CFAP210: variants seen among roughly 807,000 people sequenced by gnomAD.
CFAP210 encodes the protein cilia and flagella associated protein 210.
chr2:169,679,912 A>G, the CFAP210 span, among the ~76,000 whole-genome samples: 2 of 152,192 alleles, frequency 1.3e-5, no homozygotes, highest in Non-Finnish European at 2.9e-5. Flanking sequence ...AAAAATTGAT[A>G]AACCATACTT....
At chr2:169,661,066 G>C in the CFAP210 span, 4 of 533,322 alleles carry the variant, frequency 7.5e-6, no homozygotes, top group East Asian at 2.0e-4. Flanking sequence ...TAGATGCTGG[G>C]TGGGAGAATA....
the CFAP210 span, among the ~76,000 whole-genome samples, chr2:169,692,668 C>T: frequency 6.6e-6 from 1 of 152,200 alleles, no homozygotes; most frequent in Admixed American, 6.5e-5. Context: ...CCTCTGATAG[C>T]TGTGATATTT....
the CFAP210 span, among the ~76,000 whole-genome samples, chr2:169,665,260 T>C: frequency 6.6e-6 from 1 of 151,982 alleles, no homozygotes; most frequent in Admixed American, 6.6e-5. Context: ...CTCTCTCTAT[T>C]ACAACAGACA....
the CFAP210 span, among the ~76,000 whole-genome samples, chr2:169,665,845 T>G: frequency 6.6e-6 from 1 of 152,178 alleles, no homozygotes; most frequent in Non-Finnish European, 1.5e-5. Flanking sequence ...GGCTTGTAGC[T>G]TATCTGCATC....
chr2:169,671,496 G>A, the CFAP210 span, among the ~76,000 whole-genome samples: 50 of 152,272 alleles, frequency 3.3e-4, 2 homozygotes, highest in South Asian at 6.4e-3. Context: ...GAGATGGAGT[G>A]TCGCTCTTGT....
chr2:169,683,248 A>T, the CFAP210 span, among the ~76,000 whole-genome samples: 1 of 152,214 alleles, frequency 6.6e-6, no homozygotes, highest in Admixed American at 6.5e-5. Flanking sequence ...TTAGTTGCAA[A>T]GAGTATCATC....
chr2:169,688,390 C>A, the CFAP210 span, among the ~76,000 whole-genome samples: 4 of 152,290 alleles, frequency 2.6e-5, no homozygotes, highest in African/African-American at 7.2e-5. Flanking sequence ...TAACAGTACC[C>A]AACTCACCTC....
the CFAP210 span, among the ~76,000 whole-genome samples, chr2:169,656,753 C>T: frequency 6.9e-4 from 105 of 152,084 alleles, 1 homozygote; most frequent in African/African-American, 2.3e-3. Flanking sequence ...CACCTGAGGT[C>T]AGGAGTTCAA....
the CFAP210 span, among the ~76,000 whole-genome samples, chr2:169,647,816 C>A: frequency 2.6e-5 from 4 of 152,200 alleles, no homozygotes; most frequent in South Asian, 2.1e-4. Context: ...AGATTTAATA[C>A]ACAGAGTATT....
the CFAP210 span, among the ~76,000 whole-genome samples, chr2:169,667,142 CTTTTTTTTT>C: frequency 1.7e-5 from 1 of 58,052 alleles, no homozygotes; most frequent in African/African-American, 6.6e-5. Flanking sequence ...TTTCTTTTTT[CTTTTTTTTT>C]TTTTTTGATG....
At chr2:169,663,315 G>A in the CFAP210 span, among the ~76,000 whole-genome samples, 11 of 149,644 alleles carry the variant, frequency 7.4e-5, no homozygotes, top group African/African-American at 2.5e-4. Flanking sequence ...AGGGCAGGTC[G>A]ACAACCCACC....
At chr2:169,653,975 T>C in the CFAP210 span, 16 of 1,256,462 alleles carry the variant, frequency 1.3e-5, no homozygotes, top group Non-Finnish European at 1.6e-5. Flanking sequence ...TCTAGTCATA[T>C]ATAAAATAAG....
the CFAP210 span, among the ~76,000 whole-genome samples, chr2:169,668,969 A>G: frequency 3.3e-5 from 5 of 152,232 alleles, no homozygotes; most frequent in Non-Finnish European, 7.3e-5. Flanking sequence ...TTTGTAAAAA[A>G]CACAATATCT....
At chr2:169,670,611 C>T in the CFAP210 span, among the ~76,000 whole-genome samples, 1 of 152,156 alleles carries the variant, frequency 6.6e-6, no homozygotes, top group Non-Finnish European at 1.5e-5. Context: ...CAGTAGTCAT[C>T]CAAGGGCTTA....
At chr2:169,667,737 TA>T in the CFAP210 span, among the ~76,000 whole-genome samples, 2 of 152,080 alleles carry the variant, frequency 1.3e-5, no homozygotes, top group African/African-American at 4.8e-5. Flanking sequence ...TTGAAAGGAA[TA>T]TTTTTTTCTG....
At chr2:169,670,153 G>A in the CFAP210 span, among the ~76,000 whole-genome samples, 2 of 152,118 alleles carry the variant, frequency 1.3e-5, no homozygotes, top group Non-Finnish European at 2.9e-5. Context: ...GTTCCTAGAG[G>A]AAGCCTTACC....
chr2:169,659,544 C>T, the CFAP210 span, among the ~76,000 whole-genome samples: 1 of 152,156 alleles, frequency 6.6e-6, no homozygotes, highest in African/African-American at 2.4e-5. Context: ...CAAGACAGCA[C>T]TAGGAGGATG....
the CFAP210 span, among the ~76,000 whole-genome samples, chr2:169,684,648 C>T: frequency 5.3e-5 from 8 of 151,434 alleles, no homozygotes; most frequent in African/African-American, 1.7e-4. Flanking sequence ...GATTCCTTTT[C>T]GTTGTTGTTG....
chr2:169,681,219 C>CT, the CFAP210 span: 1 of 1,608,842 alleles, frequency 6.2e-7, no homozygotes, highest in Non-Finnish European at 8.5e-7. Flanking sequence ...TGATCTTCTT[C>CT]AGAGTTTCTT....
Sources: gnomAD v4.1 joint callset for allele counts (sites outside exome capture counted in the v4.1 genomes callset) on GRCh38, gnomAD v4.1.1 for gene constraint, MANE v1.5 for transcripts, NCBI Gene and HGNC (gene_info 2026-07-23, HGNC 2026-07-21) for gene names.